GNAO1: variants seen among roughly 807,000 people sequenced by gnomAD.
The protein encoded by GNAO1 is guanine nucleotide-binding protein G(o) subunit alpha.
For missense variants in GNAO1, 166 were observed against 478.7 expected, an observed-to-expected ratio of 0.35 and a Z score of 6.10; for synonymous variants, 164 against 180.7, an observed-to-expected ratio of 0.91 and a Z score of 0.74.
At chr16:56,334,645 G>T (rs1234738065) in intron 4 of GNAO1, 84 bp from the exon 5 acceptor site, 5 of 1,446,320 alleles carry the variant, frequency 3.5e-6, no homozygotes, top group Non-Finnish European at 4.8e-6. Context: ...GACCGAGACT[G>T]GACTCTGAAG....
At chr16:56,356,074 G>T (rs1168095699) in intron 8 of GNAO1, 29 bp from the exon 9 acceptor site, 1 of 152,810 alleles carries the variant, frequency 6.5e-6, no homozygotes, top group East Asian at 1.9e-4. Flanking sequence ...AAAATGGTCA[G>T]ACTGGACCCC....
intron 6 of GNAO1, chr16:56,344,153 C>T (rs1426111992): frequency 1.4e-6 from 2 of 1,436,428 alleles, no homozygotes; most frequent in East Asian, 5.0e-5. Context: ...GGCGGGGCTG[C>T]TGAGTGCATG....
intron 2 of GNAO1, among the ~76,000 whole-genome samples, chr16:56,233,252 C>G (rs1257501304): frequency 6.6e-6 from 1 of 152,226 alleles, no homozygotes; most frequent in African/African-American, 2.4e-5. Flanking sequence ...AATGAGAGCT[C>G]TGTGTAGGCA....
chr16:56,265,255 C>T (rs2036940979), intron 2 of GNAO1, among the ~76,000 whole-genome samples: 1 of 152,222 alleles, frequency 6.6e-6, no homozygotes, highest in Non-Finnish European at 1.5e-5. Flanking sequence ...ACCCCAGGGT[C>T]ACATGGAGCC....
chr16:56,338,385 C>T (rs1219527512), intron 6 of GNAO1, among the ~76,000 whole-genome samples: 1 of 152,214 alleles, frequency 6.6e-6, no homozygotes, highest in East Asian at 1.9e-4. Flanking sequence ...CTGGGCCGTG[C>T]TTGGACCCAG....
chr16:56,241,381 G>T (rs77686602), intron 2 of GNAO1, among the ~76,000 whole-genome samples: 1 of 152,096 alleles, frequency 6.6e-6, no homozygotes, highest in African/African-American at 2.4e-5. Flanking sequence ...CAGTCACTGA[G>T]GAGGGGAAGT....
chr16:56,237,150 T>G lies in GNAO1; in HGVS notation c.162-38781T>G, dbSNP rs189057063. Among the ~76,000 whole-genome samples, 286 of 152,350 alleles carry G rather than the reference T, an allele frequency of 1.9e-3. 6 individuals are homozygous for G. Among genetic ancestry groups the G allele is most frequent in the Non-Finnish European group, 7.3e-4 (50 of 68,032 alleles). ...AGTATTTTATTCTTTTGTTTTCAGG[T>G]AAGTCTCTCTTATAATTGTACATGC... is the stretch of plus-strand genomic sequence containing the variant. On this transcript the variant is annotated intron_variant, in intron 2 of 8. Coordinates refer to ENST00000262493, the MANE Select transcript of GNAO1 (RefSeq NM_020988.3).
chr16:56,250,993 A>C (rs532026459), intron 2 of GNAO1, among the ~76,000 whole-genome samples: 2 of 152,220 alleles, frequency 1.3e-5, no homozygotes, highest in African/African-American at 4.8e-5. Context: ...GAGGTGAAAG[A>C]ATGAATATAA....
chr16:56,207,955 C>T (rs541801453), intron 2 of GNAO1, among the ~76,000 whole-genome samples: 1 of 152,238 alleles, frequency 6.6e-6, no homozygotes, highest in East Asian at 1.9e-4. Context: ...CCTAAATATC[C>T]CTTTTTGATC....
intron 3 of GNAO1, among the ~76,000 whole-genome samples, chr16:56,312,172 G>C (rs1241371458): frequency 6.6e-6 from 1 of 152,188 alleles, no homozygotes; most frequent in East Asian, 1.9e-4. Context: ...AGGGAAGCAG[G>C]GCTGCACGGG....
chr16:56,239,280 A>G (rs1008974116), intron 2 of GNAO1, among the ~76,000 whole-genome samples: 4 of 152,266 alleles, frequency 2.6e-5, no homozygotes, highest in Non-Finnish European at 5.9e-5. Flanking sequence ...CTTTGGCAGC[A>G]TGAAAACCAT....
intron 2 of GNAO1, chr16:56,193,840 C>T (rs2036205183): frequency 1.4e-5 from 5 of 347,306 alleles, no homozygotes; most frequent in South Asian, 1.1e-4. Flanking sequence ...GATTCCACGT[C>T]GCTTTGCTGT....
intron 3 of GNAO1, among the ~76,000 whole-genome samples, chr16:56,318,477 G>A (rs1215344851): frequency 2.0e-5 from 3 of 152,216 alleles, no homozygotes; most frequent in Admixed American, 6.5e-5. Context: ...TCTCCCATTG[G>A]CCTGTGCACT....
intron 2 of GNAO1, among the ~76,000 whole-genome samples, chr16:56,257,061 A>G (rs557642972): frequency 3.9e-5 from 6 of 152,240 alleles, no homozygotes; most frequent in Admixed American, 3.9e-4. Context: ...CCTTTGACAC[A>G]TCTCTAGCAC....
chr16:56,208,620 A>G (rs192077151), intron 2 of GNAO1, among the ~76,000 whole-genome samples: 2 of 152,308 alleles, frequency 1.3e-5, no homozygotes, highest in East Asian at 3.9e-4. Flanking sequence ...CTGTTATTAT[A>G]AATTCTTGCT....
At chr16:56,206,743 A>T (rs546988435) in intron 2 of GNAO1, among the ~76,000 whole-genome samples, 1 of 152,242 alleles carries the variant, frequency 6.6e-6, no homozygotes, top group Non-Finnish European at 1.5e-5. Context: ...AAAGAATTGC[A>T]GTAAGGCTTA....
chr16:56,242,042 C>T (rs2036698487), intron 2 of GNAO1, among the ~76,000 whole-genome samples: 1 of 152,220 alleles, frequency 6.6e-6, no homozygotes, highest in African/African-American at 2.4e-5. Context: ...TCCCACTCTC[C>T]TGCCAGCCCA....
chr16:56,331,897 C>A (rs1045660132), intron 4 of GNAO1, among the ~76,000 whole-genome samples: 56 of 152,202 alleles, frequency 3.7e-4, no homozygotes, highest in Non-Finnish European at 7.3e-4. Context: ...TCCCATCCTC[C>A]CACTAGAAGC....
intron 6 of GNAO1, chr16:56,347,263 C>A (rs1252754032): frequency 7.7e-5 from 76 of 985,416 alleles, no homozygotes; most frequent in Non-Finnish European, 8.7e-5. Flanking sequence ...TCTCAGGAAC[C>A]CAGACCTGAG....
Sources: allele counts gnomAD v4.1 joint callset (sites outside exome capture counted in the v4.1 genomes callset), GRCh38; gene constraint gnomAD v4.1.1; transcripts MANE v1.5; gene names NCBI Gene and HGNC (gene_info 2026-07-23, HGNC 2026-07-21).